AFF3: variants seen among roughly 807,000 people sequenced by gnomAD.
AFF3 encodes the protein AF4/FMR2 family member 3.
AFF3 carries 32 observed loss-of-function variants against 129.7 expected under a neutral mutation model. The observed-to-expected ratio is 0.25, with a 90% confidence interval of 0.19 to 0.33. AFF3 has a LOEUF of 0.33. Ranked by LOEUF, AFF3 falls within the 10% of genes least tolerant of loss-of-function variation. AFF3 has a pLI of 1.00. For missense variants in AFF3, 1,373 were observed against 1,592.0 expected, an observed-to-expected ratio of 0.86 and a Z score of 2.34; for synonymous variants, 644 against 635.4, an observed-to-expected ratio of 1.01 and a Z score of -0.20.
Position 100,048,022 on chromosome 2 carries a change from C to A in AFF3, c.54-39090G>T, listed in dbSNP as rs561134636. On this transcript the variant is annotated intron_variant, in intron 4 of 24. Transcript: ENST00000672756. Reference sequence around the variant, plus strand: ...ATTTCATGTCAAGCTCTACTCCCAACCAAAGACGTTCTGGTGTTATACCTG... The same window carrying A: ...ATTTCATGTCAAGCTCTACTCCCAAACAAAGACGTTCTGGTGTTATACCTG... Among the ~76,000 whole-genome samples, 11 of 152,336 alleles carry A rather than the reference C, an allele frequency of 7.2e-5. No individual in the cohort carries two copies. In the South Asian group the frequency reaches 2.3e-3, roughly 32 times the overall value.
At chr2:99,909,742 A>G (rs575694041) in intron 7 of AFF3, among the ~76,000 whole-genome samples, 7 of 152,264 alleles carry the variant, frequency 4.6e-5, no homozygotes, top group African/African-American at 1.7e-4. Flanking sequence ...AAGAAAGGAG[A>G]TTCATTTTGA....
chr2:99,549,819 C>T lies in AFF3; in HGVS notation c.*1655G>A, dbSNP rs753419472. ...ACTTCCCACCTACAGATCAGGCTAA[C>T]AAAAATGTTAACACTGCAAACCAAC... On this transcript the variant is annotated 3_prime_UTR_variant, in exon 25 of 25. Transcript: ENST00000672756. 1.4e-5 allele frequency: 3 copies of T among 220,020 alleles called. No homozygotes were observed. The highest frequency in any genetic ancestry group is 2.7e-5 in the Non-Finnish European group (3 of 109,832). 13.6% of individuals were successfully genotyped at this position (220,020 alleles called of 1,614,324 possible).
At chr2:99,935,199 C>G (rs1227162111) in intron 7 of AFF3, among the ~76,000 whole-genome samples, 1 of 152,180 alleles carries the variant, frequency 6.6e-6, no homozygotes, top group Non-Finnish European at 1.5e-5. Context: ...CCATCAGAAT[C>G]CCTGTCAACA....
At chr2:100,103,705 T>C (rs2576618) in intron 4 of AFF3, among the ~76,000 whole-genome samples, 3 of 149,176 alleles carry the variant, frequency 2.0e-5, no homozygotes, top group East Asian at 2.0e-4. Context: ...GAGCGTGGCA[T>C]AAAGGGATAC....
chr2:99,718,941 G>T (rs549244397), intron 11 of AFF3, among the ~76,000 whole-genome samples: 1 of 151,702 alleles, frequency 6.6e-6, no homozygotes, highest in African/African-American at 2.4e-5. Context: ...TAGTAGAGAC[G>T]GGTTTTCACC....
chr2:99,821,995 A>G (rs1687723930), intron 8 of AFF3, among the ~76,000 whole-genome samples: 1 of 152,148 alleles, frequency 6.6e-6, no homozygotes, highest in South Asian at 2.1e-4. Flanking sequence ...TCCCCAAAAG[A>G]AGAATTTATT....
chr2:99,986,298 G>A (rs893327608), intron 7 of AFF3, among the ~76,000 whole-genome samples: 2 of 151,082 alleles, frequency 1.3e-5, no homozygotes, highest in African/African-American at 2.4e-5. Flanking sequence ...CAACCATAGC[G>A]TTTACTCACC....
intron 10 of AFF3, among the ~76,000 whole-genome samples, chr2:99,742,457 C>T (rs1382402029): frequency 3.3e-5 from 5 of 152,144 alleles, no homozygotes; most frequent in South Asian, 2.1e-4. Flanking sequence ...AGGGATAGTG[C>T]CACATCATGT....
chr2:99,924,901 G>A (rs369013361), intron 7 of AFF3, among the ~76,000 whole-genome samples: 2 of 150,664 alleles, frequency 1.3e-5, no homozygotes, highest in South Asian at 4.2e-4. Flanking sequence ...TTTGAGGCAG[G>A]GTCTCACTCT....
At chr2:99,628,542 A>AC (rs1348706256) in intron 13 of AFF3, among the ~76,000 whole-genome samples, 1 of 149,880 alleles carries the variant, frequency 6.7e-6, no homozygotes, top group African/African-American at 2.5e-5. Context: ...CTATTTGAAT[A>AC]CCCTTTCTTT....
At chr2:99,655,213 TACACACACACACACACACACACAC>T (rs59646108) in intron 12 of AFF3, among the ~76,000 whole-genome samples, 13 of 130,268 alleles carry the variant, frequency 1.0e-4, no homozygotes, top group East Asian at 2.3e-4. Flanking sequence ...CATGAAAAGC[TACACACACACACACACACACACAC>T]ACACACACAC....
chr2:99,704,816 G>A (rs1395448236), intron 11 of AFF3, among the ~76,000 whole-genome samples: 2 of 152,124 alleles, frequency 1.3e-5, no homozygotes, highest in Non-Finnish European at 2.9e-5. Flanking sequence ...TACCTTACAG[G>A]AACAAGAATA....
intron 14 of AFF3, among the ~76,000 whole-genome samples, chr2:99,594,700 G>A (rs1332686973): frequency 2.0e-5 from 3 of 152,126 alleles, no homozygotes; most frequent in Non-Finnish European, 4.4e-5. Flanking sequence ...TTTTTTTGGT[G>A]AGACTTAAAA....
chr2:99,849,819 G>C (rs1472287972), intron 7 of AFF3, among the ~76,000 whole-genome samples: 3 of 152,196 alleles, frequency 2.0e-5, no homozygotes, highest in Non-Finnish European at 4.4e-5. Flanking sequence ...TGGGTAGAAG[G>C]AAATGATGGA....
At chr2:99,830,350 AG>A (rs1444307351) in intron 8 of AFF3, among the ~76,000 whole-genome samples, 2 of 152,262 alleles carry the variant, frequency 1.3e-5, no homozygotes, top group Non-Finnish European at 2.9e-5. Context: ...ACACCATTCT[AG>A]GTGAATCAGT....
intron 13 of AFF3, among the ~76,000 whole-genome samples, chr2:99,609,118 T>G (rs1427808674): frequency 6.6e-6 from 1 of 152,178 alleles, no homozygotes; most frequent in Non-Finnish European, 1.5e-5. Context: ...AGCAAGTTTA[T>G]TAAGAAAGTA....
chr2:99,975,006 A>G (rs1421155263), intron 7 of AFF3, among the ~76,000 whole-genome samples: 1 of 152,216 alleles, frequency 6.6e-6, no homozygotes, highest in African/African-American at 2.4e-5. Flanking sequence ...CCTGTAGCTC[A>G]ATCACTAAGG....
At chr2:99,621,725 G>A (rs531760158) in intron 13 of AFF3, among the ~76,000 whole-genome samples, 7 of 152,232 alleles carry the variant, frequency 4.6e-5, no homozygotes, top group Non-Finnish European at 8.8e-5. Flanking sequence ...TAAGACTTGA[G>A]AGGCCAGGGG....
rs150085702 is a variant in AFF3 at position 100,083,012 on chromosome 2, G to A, written c.53+21390C>T. Among the ~76,000 whole-genome samples the A allele has an allele frequency of 3.5e-3, 532 of 152,246 alleles. 2 individuals carry two copies. Among genetic ancestry groups the A allele is most frequent in the African/African-American group, 0.011 (466 of 41,544 alleles). On this transcript the variant is annotated intron_variant, in intron 4 of 24. Coordinates refer to ENST00000672756, the MANE Select transcript of AFF3 (RefSeq NM_001386135.1). ...GGAGAATCACTTGAACCCGGGAGGC[G>A]GAGGTTGTGGTGAGCCAAGATTGTG...
Sources: allele counts gnomAD v4.1 joint callset (sites outside exome capture counted in the v4.1 genomes callset), GRCh38; gene constraint gnomAD v4.1.1; transcripts MANE v1.5; gene names NCBI Gene and HGNC (gene_info 2026-07-23, HGNC 2026-07-21).